NUP37: variants seen among roughly 807,000 people sequenced by gnomAD.
The protein encoded by NUP37 is nucleoporin Nup37.
Under a neutral mutation model 45.4 loss-of-function variants are expected in NUP37, and 33 were observed. The ratio of observed to expected loss-of-function variants is 0.73; its 90% CI spans 0.55 to 0.97. NUP37 has a LOEUF of 0.97. NUP37 is among the 50% of genes least tolerant of loss of function. NUP37 has a pLI of 0.00. For missense variants in NUP37, 365 were observed against 389.7 expected (o/e 0.94, Z 0.53); for synonymous variants, 127 against 130.7 (o/e 0.97, Z 0.19).
At chr12:102,094,070 T>C (rs1485594312) in intron 5 of NUP37, among the ~76,000 whole-genome samples, 1 of 152,126 alleles carries the variant, frequency 6.6e-6, no homozygotes, top group African/African-American at 2.4e-5. Flanking sequence ...TTTAAAAATG[T>C]CTGCAAAAGT....
At chr12:102,088,703 A>ATTTTTTTTTT (rs768691385) in intron 5 of NUP37, among the ~76,000 whole-genome samples, 4 of 109,022 alleles carry the variant, frequency 3.7e-5, no homozygotes, top group Non-Finnish European at 6.0e-5. Context: ...TTTTGTTTTA[A>ATTTTTTTTTT]TTTTTTTTTT....
chr12:102,101,491 T>C (rs1879970631), intron 3 of NUP37, among the ~76,000 whole-genome samples: 4 of 152,194 alleles, frequency 2.6e-5, no homozygotes, highest in Admixed American at 2.6e-4. Flanking sequence ...ATTAAAAATA[T>C]TGTTATACAT....
At chr12:102,075,480 A>C (rs1879142633) in intron 8 of NUP37, among the ~76,000 whole-genome samples, 1 of 152,136 alleles carries the variant, frequency 6.6e-6, no homozygotes, top group Non-Finnish European at 1.5e-5. Flanking sequence ...TAGCACCTAG[A>C]CAGAAACAGG....
chr12:102,083,498 G>A (rs1045390653), intron 6 of NUP37, among the ~76,000 whole-genome samples: 9 of 152,184 alleles, frequency 5.9e-5, no homozygotes, highest in African/African-American at 2.2e-4. Flanking sequence ...TGAAAGCTGC[G>A]AGAAGATTTG....
chr12:102,101,018 G>C lies in NUP37; in HGVS notation c.354+14C>G, dbSNP rs1879954684. On this transcript the variant is annotated intron_variant, in intron 4 of 9. Transcript: ENST00000552283. ...TAAAATAAGCTCTAAAGATTTATAT[G>C]GTTGTCAACATACCTTATATTCATT... The C allele has an allele frequency of 2.1e-6, 3 of 1,402,034 alleles. No homozygotes were observed. Among genetic ancestry groups the C allele is most frequent in the Non-Finnish European group, 2.9e-6 (3 of 1,021,270 alleles). 86.8% of individuals were successfully genotyped at this position (1,402,034 alleles called of 1,614,324 possible). A position where few individuals can be genotyped will look rare whatever the true frequency, so the allele number is the denominator to read the frequency against.
chr12:102,118,587 TGGATTAGAGCACA>T lies in NUP37; in HGVS notation c.-65-17_-65-5del. On this transcript the variant is annotated splice_region_variant and splice_polypyrimidine_tract_variant and intron_variant, in intron 1 of 9. Coordinates refer to ENST00000552283, the MANE Select transcript of NUP37 (RefSeq NM_024057.4). ...TCTACTGGACAAGGTCACGAAACTG[TGGATTAGAGCACA>T]GGTACAATTACAATGGTCAATATGT... The T allele has an allele frequency of 7.1e-7, 1 of 1,405,778 alleles. No homozygotes were observed. The highest frequency in any genetic ancestry group is 9.8e-7 in the Non-Finnish European group (1 of 1,021,614). 87.1% of individuals were successfully genotyped at this position (1,405,778 alleles called of 1,614,324 possible).
chr12:102,074,173 G>A lies in NUP37; in HGVS notation c.*181C>T, dbSNP rs1202362060. On this transcript the variant is annotated 3_prime_UTR_variant, in exon 10 of 10. Transcript: ENST00000552283. ...AAATATATATATATACACACACAGAGAACAGAGTAGAAAAATAATTTTTCA... is the reference window on the plus strand; with the variant it reads ...AAATATATATATATACACACACAGAAAACAGAGTAGAAAAATAATTTTTCA... 2.4e-6 allele frequency: 1 copy of A among 424,770 alleles called. No homozygotes were observed. Among genetic ancestry groups the A allele is most frequent in the African/African-American group, 2.0e-5 (1 of 49,010 alleles). The allele number at this position is 424,770 out of a possible 1,614,324, so 26.3% of individuals were successfully genotyped here. A position where few individuals can be genotyped will look rare whatever the true frequency, so the allele number is the denominator to read the frequency against.
intron 2 of NUP37, among the ~76,000 whole-genome samples, chr12:102,117,473 T>C (rs1405806042): frequency 6.6e-6 from 1 of 152,100 alleles, no homozygotes; most frequent in Non-Finnish European, 1.5e-5. Context: ...AATAATACTC[T>C]GATAGACAAA....
chr12:102,104,354 A>G (rs888583722), intron 3 of NUP37, among the ~76,000 whole-genome samples: 1 of 152,108 alleles, frequency 6.6e-6, no homozygotes, highest in African/African-American at 2.4e-5. Context: ...AGTTTTTTGT[A>G]TACATTCTGG....
At chr12:102,102,215 A>AT (rs1253580281) in intron 3 of NUP37, among the ~76,000 whole-genome samples, 1 of 152,158 alleles carries the variant, frequency 6.6e-6, no homozygotes, top group African/African-American at 2.4e-5. Flanking sequence ...ACAGTGAGCC[A>AT]TTTTTTCTCA....
Position 102,099,145 on chromosome 12 carries a change from CCTT to C in NUP37, c.407_409del (p.Glu136del), listed in dbSNP as rs1180833871. 1 of 1,613,830 alleles carries C rather than the reference CCTT, an allele frequency of 6.2e-7. No individual in the cohort carries two copies. The highest frequency in any genetic ancestry group is 2.2e-5 in the East Asian group (1 of 44,864). ...GTCACTCACACTTGCAATTTCTTGG[CCTT>C]CTTTGGGATCAAACACCAAACCATT... On this transcript the variant is annotated inframe_deletion, in exon 5 of 10. Transcript: ENST00000552283.
intron 8 of NUP37, 54 bp downstream of exon 8, chr12:102,076,743 G>A: frequency 6.9e-7 from 1 of 1,451,516 alleles, no homozygotes; most frequent in South Asian, 1.2e-5. Context: ...TCCCAGTGGT[G>A]GCACAGCAAC....
At chr12:102,087,790 A>G (rs1299607319) in intron 5 of NUP37, among the ~76,000 whole-genome samples, 2 of 152,226 alleles carry the variant, frequency 1.3e-5, no homozygotes, top group East Asian at 1.9e-4. Context: ...ATATAAATTG[A>G]GTAAATACAT....
At chr12:102,107,130 C>G (rs1880177884) in intron 3 of NUP37, among the ~76,000 whole-genome samples, 1 of 152,188 alleles carries the variant, frequency 6.6e-6, no homozygotes, top group African/African-American at 2.4e-5. Context: ...CTGAATAAAG[C>G]CTTCTTCCCT....
chr12:102,082,560 T>C (rs868149540), intron 6 of NUP37, among the ~76,000 whole-genome samples: 2 of 152,222 alleles, frequency 1.3e-5, no homozygotes, highest in Admixed American at 6.5e-5. Flanking sequence ...ATCTTATGTA[T>C]CCATTTTATA....
At chr12:102,095,711 A>C (rs1879784215) in intron 5 of NUP37, among the ~76,000 whole-genome samples, 1 of 152,016 alleles carries the variant, frequency 6.6e-6, no homozygotes, top group Non-Finnish European at 1.5e-5. Flanking sequence ...TTACTTTTTC[A>C]ACTTGACATC....
At chr12:102,106,735 C>G (rs1033323145) in intron 3 of NUP37, among the ~76,000 whole-genome samples, 1 of 152,102 alleles carries the variant, frequency 6.6e-6, no homozygotes, top group African/African-American at 2.4e-5. Context: ...AAAGCCAAAA[C>G]CCAACCAGGT....
At chr12:102,074,863 T>G (rs888321594) in intron 9 of NUP37, 138 bp downstream of exon 9, 1 of 474,184 alleles carries the variant, frequency 2.1e-6, no homozygotes. Flanking sequence ...TGAACCACCT[T>G]TTCTTGCAAT....
chr12:102,090,635 G>A (rs1879622890), intron 5 of NUP37, among the ~76,000 whole-genome samples: 1 of 152,164 alleles, frequency 6.6e-6, no homozygotes, highest in South Asian at 2.1e-4. Flanking sequence ...AGGTATGTGT[G>A]ACAGTTTTAA....
Sources: allele counts gnomAD v4.1 joint callset (sites outside exome capture counted in the v4.1 genomes callset), GRCh38; gene constraint gnomAD v4.1.1; transcripts MANE v1.5; gene names NCBI Gene and HGNC (gene_info 2026-07-23, HGNC 2026-07-21).